The following POLQ variants were observed in gnomAD, a reference collection of about 807,000 sequenced individuals.
POLQ encodes the protein DNA polymerase theta, also known as epididymis secretory sperm binding protein.
A neutral mutation model predicts 259.2 loss-of-function variants in POLQ; 233 were observed. The observed-to-expected ratio is 0.90, with a 90% CI of 0.81 to 1.00. The LOEUF is 1.00. Ranked by LOEUF, POLQ falls within the 50% of genes least tolerant of loss-of-function variation. POLQ has a pLI of 0.00. For missense variants in POLQ, 2,871 were observed against 3,051.6 expected (o/e 0.94, Z 1.39); for synonymous variants, 1,025 against 1,048.8 (o/e 0.98, Z 0.44).
At chr3:121,480,833 T>C (rs1028033812) in intron 19 of POLQ, among the ~76,000 whole-genome samples, 3 of 149,488 alleles carry the variant, frequency 2.0e-5, no homozygotes, top group Admixed American at 6.6e-5. Context: ...CCTCAGCTCA[T>C]AAGTGGATAA....
chr3:121,440,191 C>CA, intron 26 of POLQ, 75 bp from the exon 27 acceptor site: 1 of 1,046,250 alleles, frequency 9.6e-7, no homozygotes, highest in Non-Finnish European at 1.4e-6. Flanking sequence ...TTAAATATGG[C>CA]AAAATACACC....
chr3:121,468,259 T>G (rs757247230), intron 23 of POLQ, 46 bp downstream of exon 23: 73 of 1,504,938 alleles, frequency 4.9e-5, no homozygotes, highest in Non-Finnish European at 6.1e-5. Flanking sequence ...GAGCCATTCA[T>G]ACTTACAAAA....
intron 9 of POLQ, among the ~76,000 whole-genome samples, chr3:121,512,475 T>A (rs957778363): frequency 1.1e-4 from 17 of 152,192 alleles, no homozygotes; most frequent in Admixed American, 3.9e-4. Context: ...CCCATATATT[T>A]ACCTTCTCAC....
At chr3:121,515,807 TAACA>T (rs1478389513) in intron 9 of POLQ, among the ~76,000 whole-genome samples, 1 of 151,920 alleles carries the variant, frequency 6.6e-6, no homozygotes, top group Non-Finnish European at 1.5e-5. Context: ...CAAAAGAAAC[TAACA>T]AAGCTCCAAC....
intron 5 of POLQ, among the ~76,000 whole-genome samples, chr3:121,536,184 C>A (rs1030589878): frequency 9.2e-5 from 14 of 152,044 alleles, no homozygotes; most frequent in African/African-American, 2.9e-4. Flanking sequence ...TTTATATAGT[C>A]ATAATAGTGT....
rs1157690272 is a variant in POLQ at position 121,544,716 on chromosome 3, A to C, written c.343+11T>G. The C allele has an allele frequency of 1.3e-6, 2 of 1,551,008 alleles. No homozygotes were observed. The highest frequency in any genetic ancestry group is 1.8e-6 in the Non-Finnish European group (2 of 1,124,612). ...TTAAAAATAGTAATTAGTTTACATAAATTTGGATACCTGAATAAACTAAAT... is the reference window on the plus strand; with the variant it reads ...TTAAAAATAGTAATTAGTTTACATACATTTGGATACCTGAATAAACTAAAT... On this transcript the variant is annotated intron_variant, in intron 2 of 29. Transcript: ENST00000264233.
At chr3:121,506,279 C>CAAAATA (rs75317432) in intron 12 of POLQ, among the ~76,000 whole-genome samples, 3 of 150,096 alleles carry the variant, frequency 2.0e-5, no homozygotes, top group South Asian at 4.2e-4. Flanking sequence ...AAAAACAAAA[C>CAAAATA]AAAACAAAAA....
intron 1 of POLQ, 133 bp downstream of exon 1, chr3:121,545,582 A>T (rs2048526522): frequency 3.8e-6 from 3 of 798,768 alleles, no homozygotes; most frequent in Non-Finnish European, 5.8e-6. Flanking sequence ...ACCAGGCCCC[A>T]GTCACAGAGA....
chr3:121,485,635 G>A (rs1251031036), intron 16 of POLQ, among the ~76,000 whole-genome samples: 1 of 152,094 alleles, frequency 6.6e-6, no homozygotes, highest in Non-Finnish European at 1.5e-5. Context: ...ATTTTATAAA[G>A]GTCAAGAATC....
chr3:121,459,983 C>A, intron 25 of POLQ, 67 bp downstream of exon 25: 2 of 1,223,808 alleles, frequency 1.6e-6, no homozygotes, highest in Non-Finnish European at 2.4e-6. Flanking sequence ...ATAATTGAGA[C>A]CATTTTTAAT....
chr3:121,485,154 T>C lies in POLQ; in HGVS notation c.5660A>G (p.Asp1887Gly), dbSNP rs766597706. ...ACAACCTTTAATGGGAAATCCATCA[T>C]CTCTAATAGGAATTTCCTGAGGTGA... ...ASSPQEIPIRDDGFPIKGCDD... is the reference protein window; with the variant it reads ...ASSPQEIPIRGDGFPIKGCDD... Residue 1887 changes from aspartate to glycine, a missense_variant, in exon 17 of 30, where the codon GAT becomes GGT. Around this residue, in one of 3 missense-constraint regions of POLQ, gnomAD observed 2,080 missense variants for 2,126.0 expected, o/e 0.98. Transcript: ENST00000264233. 4.4e-6 allele frequency: 7 copies of C among 1,608,304 alleles called. No homozygotes were observed. Among genetic ancestry groups the C allele is most frequent in the Non-Finnish European group, 5.9e-6 (7 of 1,176,646 alleles).
intron 25 of POLQ, among the ~76,000 whole-genome samples, chr3:121,459,830 G>C (rs1054656743): frequency 2.0e-5 from 3 of 152,112 alleles, no homozygotes; most frequent in Non-Finnish European, 4.4e-5. Flanking sequence ...TGGTTTTCCT[G>C]ACACGAAGTA....
chr3:121,459,660 C>T (rs1024167546), intron 25 of POLQ, among the ~76,000 whole-genome samples: 1 of 152,136 alleles, frequency 6.6e-6, no homozygotes, highest in Non-Finnish European at 1.5e-5. Context: ...GGATTACAGG[C>T]GTGAGCCACC....
intron 25 of POLQ, among the ~76,000 whole-genome samples, chr3:121,459,369 ATTTTTTTTTTTT>A (rs58859161): frequency 9.5e-6 from 1 of 104,736 alleles, no homozygotes; most frequent in South Asian, 4.0e-4. Context: ...GACTAGAAAG[ATTTTTTTTTTTT>A]TTTTTTTTTT....
intron 27 of POLQ, among the ~76,000 whole-genome samples, chr3:121,437,683 T>C (rs189614277): frequency 2.2e-4 from 33 of 152,296 alleles, no homozygotes; most frequent in Admixed American, 2.0e-3. Flanking sequence ...CCACTGTGTC[T>C]TTACCAAACA....
intron 24 of POLQ, among the ~76,000 whole-genome samples, chr3:121,462,473 G>A (rs966393666): frequency 1.3e-5 from 2 of 152,140 alleles, no homozygotes; most frequent in African/African-American, 2.4e-5. Flanking sequence ...GGGGCTTTGA[G>A]GCAGCTGGAA....
At chr3:121,514,361 CAAAAAA>C (rs76640182) in intron 9 of POLQ, among the ~76,000 whole-genome samples, 2 of 85,268 alleles carry the variant, frequency 2.3e-5, no homozygotes, top group African/African-American at 8.5e-5. Context: ...CAACAATAAC[CAAAAAA>C]AAAAAAAAAA....
Position 121,471,999 on chromosome 3 carries a change from T to C in POLQ, c.6709A>G (p.Thr2237Ala). The C allele has an allele frequency of 1.3e-6, 2 of 1,495,690 alleles. No homozygotes were observed. Among genetic ancestry groups the C allele is most frequent in the South Asian group, 1.4e-5 (1 of 73,040 alleles). The allele number at this position is 1,495,690 out of a possible 1,614,324, so 92.7% of individuals were successfully genotyped here. ...TAAGATTTCTCATCACCTGTAGCAGTGTGCGACTGTGATACAGGATAGATT... is the reference window on the plus strand; with the variant it reads ...TAAGATTTCTCATCACCTGTAGCAGCGTGCGACTGTGATACAGGATAGATT... ...ERIYPVSQSH[T>A]ATGRITFTEP... The change falls in exon 22 of 30, where the codon ACT (threonine) becomes GCT (alanine). Residue 2237 changes from threonine to alanine, a missense_variant. By Grantham distance (58) the Thr-to-Ala change is moderately conservative. This residue lies in a region of POLQ where 2,080 missense variants were observed against 2,126.0 expected (regional missense o/e 0.98). Coordinates refer to ENST00000264233, the MANE Select transcript of POLQ (RefSeq NM_199420.4).
chr3:121,482,938 G>A (rs1232070139), intron 18 of POLQ, among the ~76,000 whole-genome samples: 1 of 152,208 alleles, frequency 6.6e-6, no homozygotes, highest in Non-Finnish European at 1.5e-5. Context: ...TCAGGAGCCA[G>A]TAAGGGGATT....
Sources: gnomAD v4.1 joint callset for allele counts (sites outside exome capture counted in the v4.1 genomes callset) on GRCh38, gnomAD v4.1.1 for gene constraint, gnomAD v4.1.1 regional missense constraint, MANE v1.5 for transcripts, NCBI Gene and HGNC (gene_info 2026-07-23, HGNC 2026-07-21) for gene names.